The following TAFA5 variants were observed in gnomAD, a reference collection of about 807,000 sequenced individuals.
TAFA5 encodes chemokine-like protein TAFA-5.
A neutral mutation model predicts 15.3 loss-of-function variants in TAFA5; 6 were observed. The observed-to-expected ratio is 0.39, with a 90% CI of 0.21 to 0.77. The LOEUF is 0.77. TAFA5 is among the 30% of genes least tolerant of loss of function. The probability of loss-of-function intolerance (pLI) is 0.41; values close to 1 mark genes in which losing one functional copy is unlikely to be tolerated. For missense variants in TAFA5, 161 were observed against 193.1 expected (o/e 0.83, Z 0.98); for synonymous variants, 103 against 80.7 (o/e 1.28, Z -1.48).
chr22:48,554,985 C>A lies in TAFA5; in HGVS notation c.112+65281C>A, dbSNP rs894135264. Among the ~76,000 whole-genome samples the A allele has an allele frequency of 3.3e-5, 5 of 152,308 alleles. 1 individual carries two copies. In the South Asian group the frequency reaches 1.0e-3, roughly 32 times the overall value. ...GCGGGGGCCCAGGGTGGCAATGTAG[C>A]CCCTGAGGCTGGGGCTCTGAGATCT... is the stretch of plus-strand genomic sequence containing the variant. On this transcript the variant is annotated intron_variant, in intron 1 of 3. Transcript: ENST00000402357.
At chr22:48,684,363 G>C (rs1245000024) in intron 2 of TAFA5, among the ~76,000 whole-genome samples, 1 of 152,116 alleles carries the variant, frequency 6.6e-6, no homozygotes, top group African/African-American at 2.4e-5. Flanking sequence ...GGAGGCAGCC[G>C]TGAAGCGTGA....
At chr22:48,623,180 T>C (rs537449496) in intron 1 of TAFA5, among the ~76,000 whole-genome samples, 1 of 152,196 alleles carries the variant, frequency 6.6e-6, no homozygotes, top group South Asian at 2.1e-4. Context: ...TGGATGAGCA[T>C]GGTTTCGCCA....
intron 1 of TAFA5, among the ~76,000 whole-genome samples, chr22:48,584,948 T>G (rs1011763069): frequency 9.8e-6 from 1 of 102,464 alleles, no homozygotes; most frequent in African/African-American, 4.2e-5. Context: ...TGCACTGATA[T>G]CACACACACA....
At chr22:48,633,660 A>G (rs1926329530) in intron 1 of TAFA5, among the ~76,000 whole-genome samples, 1 of 149,558 alleles carries the variant, frequency 6.7e-6, no homozygotes, top group Admixed American at 6.6e-5. Context: ...AGGCTTCTCT[A>G]GGGAGGGATT....
At chr22:48,532,019 G>A (rs1054696072) in intron 1 of TAFA5, among the ~76,000 whole-genome samples, 1 of 152,246 alleles carries the variant, frequency 6.6e-6, no homozygotes, top group African/African-American at 2.4e-5. Context: ...TGTCTGCACA[G>A]CTGGTCACTG....
chr22:48,664,441 G>A (rs535554086), intron 2 of TAFA5, among the ~76,000 whole-genome samples: 8 of 152,272 alleles, frequency 5.3e-5, no homozygotes, highest in South Asian at 2.1e-4. Flanking sequence ...CAAAATATGC[G>A]TGTAGACATA....
intron 1 of TAFA5, among the ~76,000 whole-genome samples, chr22:48,534,439 C>T (rs1483395311): frequency 6.6e-6 from 1 of 152,094 alleles, no homozygotes; most frequent in Admixed American, 6.5e-5. Flanking sequence ...ATGGCCAGCT[C>T]TAGGACTGAG....
At chr22:48,585,813 A>C (rs550088023) in intron 1 of TAFA5, among the ~76,000 whole-genome samples, 5 of 152,074 alleles carry the variant, frequency 3.3e-5, no homozygotes, top group Admixed American at 6.6e-5. Flanking sequence ...CGCACACACA[A>C]AGCGCAGAAA....
At chr22:48,609,762 G>A (rs993801513) in intron 1 of TAFA5, among the ~76,000 whole-genome samples, 7 of 152,162 alleles carry the variant, frequency 4.6e-5, no homozygotes, top group East Asian at 1.9e-4. Flanking sequence ...TCAGGGCCCC[G>A]CAGGTCCGCT....
intron 1 of TAFA5, among the ~76,000 whole-genome samples, chr22:48,522,039 C>G (rs1455982612): frequency 6.6e-6 from 1 of 152,246 alleles, no homozygotes; most frequent in South Asian, 2.1e-4. Context: ...GGCCTTATTC[C>G]TTAGGATAGG....
At chr22:48,511,669 T>A (rs1215980807) in intron 1 of TAFA5, among the ~76,000 whole-genome samples, 1 of 152,190 alleles carries the variant, frequency 6.6e-6, no homozygotes, top group Non-Finnish European at 1.5e-5. Context: ...TAGAAAGGCA[T>A]TCTCCATTCT....
intron 1 of TAFA5, among the ~76,000 whole-genome samples, chr22:48,534,373 T>G (rs558819259): frequency 1.3e-5 from 2 of 151,414 alleles, no homozygotes; most frequent in African/African-American, 2.4e-5. Flanking sequence ...GCAGGTGAGA[T>G]GGGGCCGGGC....
At chr22:48,690,054 T>TGGCTGGGGC (rs1339396546) in intron 2 of TAFA5, among the ~76,000 whole-genome samples, 3 of 20,530 alleles carry the variant, frequency 1.5e-4, no homozygotes, top group African/African-American at 5.4e-4. Flanking sequence ...TTGGCTGGGG[T>TGGCTGGGGC]CAGTGGATGT....
chr22:48,654,780 G>A (rs892341408), intron 2 of TAFA5, among the ~76,000 whole-genome samples: 1 of 152,070 alleles, frequency 6.6e-6, no homozygotes, highest in South Asian at 2.1e-4. Context: ...GTGTGAATTT[G>A]ACCTTGATCC....
At chr22:48,524,825 C>T (rs912584534) in intron 1 of TAFA5, among the ~76,000 whole-genome samples, 13 of 152,158 alleles carry the variant, frequency 8.5e-5, no homozygotes, top group African/African-American at 2.7e-4. Flanking sequence ...TGCTGGGAAA[C>T]GTGGAGTCTT....
At chr22:48,634,372 C>T (rs1003630104) in intron 1 of TAFA5, among the ~76,000 whole-genome samples, 1 of 152,154 alleles carries the variant, frequency 6.6e-6, no homozygotes, top group Non-Finnish European at 1.5e-5. Flanking sequence ...CATTCATTAA[C>T]TCACTTATTC....
chr22:48,577,198 G>T (rs970815049), intron 1 of TAFA5, among the ~76,000 whole-genome samples: 1 of 152,228 alleles, frequency 6.6e-6, no homozygotes, highest in Non-Finnish European at 1.5e-5. Flanking sequence ...GACTATTGAG[G>T]CGCCCAGGAT....
At chr22:48,639,184 C>T (rs73173476) in intron 1 of TAFA5, among the ~76,000 whole-genome samples, 17 of 152,318 alleles carry the variant, frequency 1.1e-4, no homozygotes, top group Non-Finnish European at 2.5e-4. Context: ...GAACTCTGGG[C>T]GGCCCCACGG....
chr22:48,539,460 C>T lies in TAFA5; in HGVS notation c.112+49756C>T, dbSNP rs199735686. The T allele has an allele frequency of 4.5e-5, 21 of 471,222 alleles. No individual in the cohort carries two copies. In the East Asian group the frequency reaches 1.3e-3, roughly 30 times the overall value. The allele number at this position is 471,222 out of a possible 1,614,324, so 29.2% of individuals were successfully genotyped here. On this transcript the variant is annotated intron_variant, in intron 1 of 3. Transcript: ENST00000402357. ...TTCCCTCTTGGCATCTGTTCTGAAACAAAGACAATTATTGTGTTGACTTTT... is the reference window on the plus strand; with the variant it reads ...TTCCCTCTTGGCATCTGTTCTGAAATAAAGACAATTATTGTGTTGACTTTT...
Sources: gnomAD v4.1 joint callset for allele counts (sites outside exome capture counted in the v4.1 genomes callset) on GRCh38, gnomAD v4.1.1 for gene constraint, MANE v1.5 for transcripts, NCBI Gene and HGNC (gene_info 2026-07-23, HGNC 2026-07-21) for gene names.